The following PRKCA variants were observed in gnomAD, a reference collection of about 807,000 sequenced individuals.
PRKCA encodes protein kinase C alpha.
A neutral mutation model predicts 87.0 loss-of-function variants in PRKCA; 27 were observed. The ratio of observed to expected loss-of-function variants is 0.31; its 90% CI spans 0.23 to 0.43. The LOEUF (loss-of-function observed/expected upper bound fraction) is 0.43, where lower values mean the gene tolerates loss of function less well. PRKCA is among the 20% of genes least tolerant of loss of function. The pLI is 1.00. For missense variants in PRKCA, 518 were observed against 852.3 expected, an observed-to-expected ratio of 0.61 and a Z score of 4.88; for synonymous variants, 329 against 311.1, an observed-to-expected ratio of 1.06 and a Z score of -0.61.
intron 3 of PRKCA, among the ~76,000 whole-genome samples, chr17:66,558,172 A>T (rs1441803713): frequency 6.6e-6 from 1 of 152,196 alleles, no homozygotes; most frequent in Non-Finnish European, 1.5e-5. Context: ...GGTCGGTTTG[A>T]TTGGTGGCTT....
At chr17:66,460,964 G>A (rs1914821417) in intron 2 of PRKCA, among the ~76,000 whole-genome samples, 1 of 152,128 alleles carries the variant, frequency 6.6e-6, no homozygotes, top group Non-Finnish European at 1.5e-5. Context: ...CCAGCACTTT[G>A]GGAGGTTGAG....
chr17:66,313,583 T>C (rs1234862205), intron 2 of PRKCA, among the ~76,000 whole-genome samples: 1 of 152,140 alleles, frequency 6.6e-6, no homozygotes, highest in East Asian at 1.9e-4. Flanking sequence ...GGAAAATGTC[T>C]TGGGTATAGG....
At chr17:66,333,791 T>A (rs557710070) in intron 2 of PRKCA, among the ~76,000 whole-genome samples, 2 of 152,298 alleles carry the variant, frequency 1.3e-5, no homozygotes, top group South Asian at 4.1e-4. Context: ...TCTTTCTTCC[T>A]ACTGGAGGGT....
At chr17:66,345,266 T>TTG (rs148343223) in intron 2 of PRKCA, among the ~76,000 whole-genome samples, 2,647 of 151,498 alleles carry the variant, frequency 0.017, 52 homozygotes, top group African/African-American at 0.053. Context: ...CTAGCTACTT[T>TTG]TGTGTGTGTG....
chr17:66,691,811 G>A (rs1404857109), intron 8 of PRKCA, among the ~76,000 whole-genome samples: 3 of 152,208 alleles, frequency 2.0e-5, no homozygotes, highest in African/African-American at 4.8e-5. Context: ...CAGCACGGGC[G>A]TTCCCCACAG....
intron 2 of PRKCA, among the ~76,000 whole-genome samples, chr17:66,396,622 A>G (rs559458693): frequency 1.7e-5 from 2 of 119,224 alleles, no homozygotes; most frequent in East Asian, 2.5e-4. Context: ...TCTGTCATTC[A>G]TTCTCTCTCT....
At chr17:66,765,917 C>G (rs1792234708) in intron 13 of PRKCA, among the ~76,000 whole-genome samples, 1 of 152,144 alleles carries the variant, frequency 6.6e-6, no homozygotes. Context: ...GAGGTTGTGC[C>G]CTATACCTGT....
At chr17:66,688,922 G>A (rs1404406720) in intron 7 of PRKCA, 29 bp from the exon 8 acceptor site, 3 of 1,440,062 alleles carry the variant, frequency 2.1e-6, no homozygotes, top group Non-Finnish European at 2.9e-6. Context: ...AACTTGCGGT[G>A]GTAACTCTTC....
chr17:66,505,903 A>G lies in PRKCA; in HGVS notation c.288+9620A>G, dbSNP rs150496121. ...AGAGGTGAGACTTGCTATGTTGCCC[A>G]GGCTGGACTTGAACTCCTGGACATA... On this transcript the variant is annotated intron_variant, in intron 3 of 16. Coordinates refer to ENST00000413366, the MANE Select transcript of PRKCA (RefSeq NM_002737.3). Among the ~76,000 whole-genome samples the G allele has an allele frequency of 2.8e-3, 431 of 152,292 alleles. 1 individual carries two copies. Among genetic ancestry groups the G allele is most frequent in the African/African-American group, 1.0e-2 (415 of 41,552 alleles).
chr17:66,613,704 T>C (rs1262569276), intron 3 of PRKCA, among the ~76,000 whole-genome samples: 1 of 151,724 alleles, frequency 6.6e-6, no homozygotes, highest in South Asian at 2.1e-4. Context: ...TATCTTTGTG[T>C]GTGTGTCCTT....
intron 2 of PRKCA, among the ~76,000 whole-genome samples, chr17:66,347,173 A>G (rs1275175564): frequency 6.6e-6 from 1 of 152,190 alleles, no homozygotes. Flanking sequence ...TAATCCCTTT[A>G]TACAGTTACA....
intron 3 of PRKCA, among the ~76,000 whole-genome samples, chr17:66,636,374 G>A (rs1971152290): frequency 6.6e-6 from 1 of 152,236 alleles, no homozygotes; most frequent in African/African-American, 2.4e-5. Context: ...TTGAGACAGT[G>A]CAAGAGGTGG....
chr17:66,448,462 T>C (rs1235741271), intron 2 of PRKCA, among the ~76,000 whole-genome samples: 1 of 152,194 alleles, frequency 6.6e-6, no homozygotes, highest in African/African-American at 2.4e-5. Context: ...ATTAAACTGC[T>C]ATGCGTAATG....
At chr17:66,607,269 C>T (rs895131549) in intron 3 of PRKCA, among the ~76,000 whole-genome samples, 2 of 152,104 alleles carry the variant, frequency 1.3e-5, no homozygotes, top group South Asian at 2.1e-4. Context: ...TGCCAAACCA[C>T]TCTAGAGTTG....
At chr17:66,416,225 C>T (rs1912137783) in intron 2 of PRKCA, 1 of 152,300 alleles carries the variant, frequency 6.6e-6, no homozygotes, top group African/African-American at 2.4e-5. Flanking sequence ...ACACAGGCTA[C>T]AGGTCCTGGA....
intron 3 of PRKCA, among the ~76,000 whole-genome samples, chr17:66,609,685 C>T (rs1008631189): frequency 3.3e-5 from 5 of 150,582 alleles, no homozygotes; most frequent in East Asian, 1.9e-4. Flanking sequence ...AGGAAGGGAA[C>T]GGGGAAAAAA....
intron 3 of PRKCA, among the ~76,000 whole-genome samples, chr17:66,603,981 A>G (rs1486452563): frequency 6.6e-6 from 1 of 152,184 alleles, no homozygotes; most frequent in African/African-American, 2.4e-5. Context: ...ATCTCGCTGT[A>G]TGGATATACC....
chr17:66,563,395 G>A (rs1295890950), intron 3 of PRKCA, among the ~76,000 whole-genome samples: 1 of 152,002 alleles, frequency 6.6e-6, no homozygotes, highest in Non-Finnish European at 1.5e-5. Context: ...TTCCTTTTCT[G>A]GAATGTCATA....
chr17:66,641,112 C>T (rs568259862), intron 3 of PRKCA, among the ~76,000 whole-genome samples: 3 of 151,026 alleles, frequency 2.0e-5, no homozygotes, highest in African/African-American at 7.2e-5. Flanking sequence ...GAGCTGAGAT[C>T]GCGCCACTGC....
Sources: allele counts gnomAD v4.1 joint callset (sites outside exome capture counted in the v4.1 genomes callset), GRCh38; gene constraint gnomAD v4.1.1; transcripts MANE v1.5; gene names NCBI Gene and HGNC (gene_info 2026-07-23, HGNC 2026-07-21).